The following PTBP2 variants were observed in gnomAD, a reference collection of about 807,000 sequenced individuals.
PTBP2 encodes polypyrimidine tract binding protein 2.
Under a neutral mutation model 61.4 loss-of-function variants are expected in PTBP2, and 13 were observed. The observed-to-expected ratio is 0.21, with a 90% CI of 0.14 to 0.34. PTBP2 has a LOEUF of 0.34. PTBP2 is among the 10% of genes least tolerant of loss of function. The pLI is 1.00. For missense variants in PTBP2, 405 were observed against 642.6 expected, an observed-to-expected ratio of 0.63 and a Z score of 4.00; for synonymous variants, 215 against 218.5, an observed-to-expected ratio of 0.98 and a Z score of 0.14.
intron 8 of PTBP2, among the ~76,000 whole-genome samples, chr1:96,791,664 C>T (rs567535566): frequency 2.6e-4 from 39 of 152,050 alleles, no homozygotes; most frequent in Non-Finnish European, 3.7e-4. Context: ...AGAAGGGATT[C>T]GCTATGTTTT....
intron 2 of PTBP2, among the ~76,000 whole-genome samples, chr1:96,737,286 A>G (rs556649902): frequency 6.6e-6 from 1 of 152,212 alleles, no homozygotes; most frequent in South Asian, 2.1e-4. Flanking sequence ...TTTTACTTTT[A>G]AAAATGTGGC....
chr1:96,809,177 T>TA (rs139643678), intron 11 of PTBP2, among the ~76,000 whole-genome samples: 154 of 152,290 alleles, frequency 1.0e-3, no homozygotes, highest in African/African-American at 3.5e-3. Flanking sequence ...AAATCTATTA[T>TA]AGTGGTGGAT....
intron 2 of PTBP2, among the ~76,000 whole-genome samples, chr1:96,746,094 A>C (rs1298865383): frequency 6.6e-6 from 1 of 152,078 alleles, no homozygotes; most frequent in Admixed American, 6.5e-5. Context: ...ACAACAACAA[A>C]AAAAGATTTT....
chr1:96,743,218 C>T (rs189036525), intron 2 of PTBP2, among the ~76,000 whole-genome samples: 127 of 150,392 alleles, frequency 8.4e-4, no homozygotes, highest in Non-Finnish European at 1.4e-3. Context: ...ACCCGGGAGG[C>T]GGAGCTTGCA....
At chr1:96,774,319 C>T (rs1437948267) in intron 5 of PTBP2, among the ~76,000 whole-genome samples, 6 of 152,154 alleles carry the variant, frequency 3.9e-5, no homozygotes, top group Non-Finnish European at 2.9e-5. Context: ...GATTTGGTTC[C>T]TGTGGCTGCT....
intron 5 of PTBP2, among the ~76,000 whole-genome samples, chr1:96,772,061 G>C (rs754264123): frequency 1.1e-4 from 17 of 152,026 alleles, no homozygotes; most frequent in Non-Finnish European, 2.2e-4. Context: ...AACACTGTCT[G>C]CCGGGAGATA....
At position 96,754,200 on chromosome 1, in the gene PTBP2, G is replaced by GA. The variant is rs79153675; in HGVS notation, c.115+2707dup. ...AGACCAACACCTCGTATTAAAGGGG[G>GA]AAAAAAAGCGAATTTCTTTAGACTG... On this transcript the variant is annotated intron_variant, in intron 3 of 13. Transcript: ENST00000674951. 2.6e-5 allele frequency among the ~76,000 whole-genome samples: 4 copies of GA among 152,046 alleles called. No homozygotes were observed. In the East Asian group the frequency reaches 5.8e-4, roughly 22 times the overall value.
chr1:96,739,566 C>G (rs956867983), intron 2 of PTBP2, among the ~76,000 whole-genome samples: 1 of 150,780 alleles, frequency 6.6e-6, no homozygotes, highest in Non-Finnish European at 1.5e-5. Flanking sequence ...GTTAAGCATC[C>G]CTAATCTGAA....
At chr1:96,749,840 T>C (rs970670970) in intron 2 of PTBP2, among the ~76,000 whole-genome samples, 3 of 152,148 alleles carry the variant, frequency 2.0e-5, no homozygotes, top group Admixed American at 6.5e-5. Context: ...GATGTAGATG[T>C]TATCCCTGTT....
chr1:96,806,407 C>G lies in PTBP2; in HGVS notation c.1045-12C>G. ...CTTGTCTTACGCTGCTTGCTCTTCTCTCCTTCTAAAGATGGTTACGCCCCA... is the reference window on the plus strand; with the variant it reads ...CTTGTCTTACGCTGCTTGCTCTTCTGTCCTTCTAAAGATGGTTACGCCCCA... On this transcript the variant is annotated splice_polypyrimidine_tract_variant and intron_variant, in intron 9 of 13. Transcript: ENST00000674951. The G allele has an allele frequency of 6.3e-7, 1 of 1,577,218 alleles. No homozygotes were observed. Among genetic ancestry groups the G allele is most frequent in the Non-Finnish European group, 8.7e-7 (1 of 1,146,488 alleles).
intron 2 of PTBP2, among the ~76,000 whole-genome samples, chr1:96,734,903 C>CTTTTTTTT (rs369053938): frequency 1.0e-4 from 13 of 124,948 alleles, no homozygotes; most frequent in Non-Finnish European, 1.5e-4. Context: ...CTTTTTTTTT[C>CTTTTTTTT]TTTTTTTTTT....
rs1557703176 is a variant in PTBP2 at position 96,746,896 on chromosome 1, TCCCTCCCTCCCTCCCTC to T, written c.40-4526_40-4510del. ...GTCCCTCCCTCCCTCCCTCCCTCCCTCCCTCCCTCCCTCCCTCCCTTCCTTCCTTCCTTCCTTCCTTC... is the reference window on the plus strand; with the variant it reads ...GTCCCTCCCTCCCTCCCTCCCTCCCTCCTTCCTTCCTTCCTTCCTTCCTTC... On this transcript the variant is annotated intron_variant, in intron 2 of 13. Transcript: ENST00000674951. Among the ~76,000 whole-genome samples, 7 of 35,436 alleles carry T rather than the reference TCCCTCCCTCCCTCCCTC, an allele frequency of 2.0e-4. No homozygotes were observed. The East Asian group carries it at 3.4e-3, about 17-fold the overall frequency. 23.2% of individuals were successfully genotyped at this position (35,436 alleles called of 152,430 possible).
intron 1 of PTBP2, among the ~76,000 whole-genome samples, chr1:96,722,770 C>T (rs767205582): frequency 2.0e-4 from 30 of 152,134 alleles, no homozygotes; most frequent in Non-Finnish European, 3.5e-4. Context: ...TCTTTGCGAA[C>T]CTGAGTCAAG....
intron 5 of PTBP2, chr1:96,771,127 A>G: frequency 4.8e-6 from 1 of 208,568 alleles, no homozygotes; most frequent in Non-Finnish European, 9.5e-6. Context: ...TAAACTGTTT[A>G]TACAACTCTC....
chr1:96,773,772 C>T (rs868114006), intron 5 of PTBP2, among the ~76,000 whole-genome samples: 21 of 151,484 alleles, frequency 1.4e-4, no homozygotes, highest in South Asian at 8.4e-4. Flanking sequence ...GTCAGGAGAT[C>T]GAGACCATGG....
chr1:96,785,159 G>A lies in PTBP2; in HGVS notation c.809G>A (p.Arg270Lys). The change falls in exon 8 of 14, where the codon AGG becomes AAG. Residue 270 changes from arginine (R) to lysine (K), a missense_variant. Around this residue, in one of 4 missense-constraint regions of PTBP2, gnomAD observed 342 missense variants for 491.2 expected, o/e 0.70. Coordinates refer to ENST00000674951, the MANE Select transcript of PTBP2 (RefSeq NM_021190.4). ...GTAAAATACAACAATGATAAAAGTA[G>A]GGATTATACTCGACCTGATCTTCCA... is the stretch of plus-strand genomic sequence containing the variant. Reference protein sequence around the residue: ...LNVKYNNDKSRDYTRPDLPSG... With the variant: ...LNVKYNNDKSKDYTRPDLPSG... 1.9e-6 allele frequency: 3 copies of A among 1,610,414 alleles called. No individual in the cohort carries two copies. Among genetic ancestry groups the A allele is most frequent in the Non-Finnish European group, 2.5e-6 (3 of 1,177,814 alleles).
At chr1:96,725,334 C>T (rs1650265494) in intron 2 of PTBP2, among the ~76,000 whole-genome samples, 1 of 144,560 alleles carries the variant, frequency 6.9e-6, no homozygotes, top group Non-Finnish European at 1.5e-5. Context: ...CAGAGTCTCA[C>T]TCTTCGCCCA....
At chr1:96,775,484 A>C (rs1224334963) in intron 5 of PTBP2, among the ~76,000 whole-genome samples, 1 of 152,202 alleles carries the variant, frequency 6.6e-6, no homozygotes, top group South Asian at 2.1e-4. Flanking sequence ...CCTGCAAAAC[A>C]TGGGTAGTGT....
At chr1:96,802,579 T>C (rs953265070) in intron 8 of PTBP2, among the ~76,000 whole-genome samples, 2 of 152,194 alleles carry the variant, frequency 1.3e-5, no homozygotes, top group Non-Finnish European at 2.9e-5. Context: ...TTAATTTTTT[T>C]ATTGTGGCAA....
Sources: allele counts gnomAD v4.1 joint callset (sites outside exome capture counted in the v4.1 genomes callset), GRCh38; gene constraint gnomAD v4.1.1; regional missense constraint gnomAD v4.1.1; transcripts MANE v1.5; gene names NCBI Gene and HGNC (gene_info 2026-07-23, HGNC 2026-07-21).